Variants in PEX14 observed in about 807,000 individuals in gnomAD.
PEX14 encodes the protein peroxisomal membrane protein PEX14.
Under a neutral mutation model 49.5 loss-of-function variants are expected in PEX14, and 15 were observed. The observed-to-expected ratio is 0.30, with a 90% CI of 0.20 to 0.47. The LOEUF is 0.47. Ranked by LOEUF, PEX14 falls within the 20% of genes least tolerant of loss-of-function variation. The probability of loss-of-function intolerance (pLI) is 1.00; values close to 1 mark genes in which losing one functional copy is unlikely to be tolerated. For missense variants in PEX14, 398 were observed against 494.8 expected (o/e 0.80, Z 1.86); for synonymous variants, 210 against 212.7 (o/e 0.99, Z 0.11).
At chr1:10,497,463 G>A (rs148242399) in intron 2 of PEX14, among the ~76,000 whole-genome samples, 70 of 152,344 alleles carry the variant, frequency 4.6e-4, no homozygotes, top group African/African-American at 1.6e-3. Context: ...TCAGGCCTGA[G>A]GATGGGGAAC....
At chr1:10,571,852 T>G (rs1639987313) in intron 3 of PEX14, among the ~76,000 whole-genome samples, 1 of 152,100 alleles carries the variant, frequency 6.6e-6, no homozygotes, top group South Asian at 2.1e-4. Context: ...GATGGGACAT[T>G]TTATGTGATG....
intron 3 of PEX14, among the ~76,000 whole-genome samples, chr1:10,544,754 C>CTTTTTT (rs70997247): frequency 1.3e-5 from 2 of 148,298 alleles, no homozygotes; most frequent in African/African-American, 5.0e-5. Context: ...ATAGATTAGC[C>CTTTTTT]TTTTTTTTTT....
At position 10,623,175 on chromosome 1, in the gene PEX14, C is replaced by A; in HGVS notation, c.487+54C>A. The A allele has an allele frequency of 8.9e-7, 1 of 1,117,332 alleles. No individual in the cohort carries two copies. The highest frequency in any genetic ancestry group is 1.3e-5 in the South Asian group (1 of 77,402). The allele number at this position is 1,117,332 out of a possible 1,614,324, so 69.2% of individuals were successfully genotyped here. On this transcript the variant is annotated intron_variant, in intron 6 of 8. Coordinates refer to ENST00000356607, the MANE Select transcript of PEX14 (RefSeq NM_004565.3). The surrounding 1 kb of genome is among the most constrained non-coding windows in gnomAD (Gnocchi z 4.4). ...CCCTCACAGCCTTCTCCAAGCAGCC[C>A]CTTCTCTGCCCCTCCCCTCTCCCTC...
chr1:10,600,783 A>T (rs574958245), intron 4 of PEX14, among the ~76,000 whole-genome samples: 1 of 152,184 alleles, frequency 6.6e-6, no homozygotes, highest in Non-Finnish European at 1.5e-5. Context: ...TGCCTTTTCT[A>T]TAATTGTTAT....
chr1:10,550,913 G>T (rs1639316596), intron 3 of PEX14, among the ~76,000 whole-genome samples: 1 of 152,198 alleles, frequency 6.6e-6, no homozygotes, highest in African/African-American at 2.4e-5. Flanking sequence ...CATAGGAAGT[G>T]AATTTAATTT....
At chr1:10,480,387 C>CTTTT (rs34544712) in intron 1 of PEX14, among the ~76,000 whole-genome samples, 28 of 87,306 alleles carry the variant, frequency 3.2e-4, no homozygotes, top group Non-Finnish European at 4.3e-4. Flanking sequence ...GCCTGGCTAA[C>CTTTT]TTTTTTTTTT....
intron 3 of PEX14, among the ~76,000 whole-genome samples, chr1:10,541,057 C>T (rs1294684047): frequency 1.3e-5 from 2 of 152,096 alleles, no homozygotes; most frequent in Admixed American, 1.3e-4. Flanking sequence ...TATAGACGAC[C>T]AGAGGAAACA....
chr1:10,587,920 T>TTTTTTA (rs1453146872), intron 3 of PEX14, among the ~76,000 whole-genome samples: 9 of 64,074 alleles, frequency 1.4e-4, no homozygotes, highest in African/African-American at 6.0e-4. Context: ...TTTTTTTTTT[T>TTTTTTA]AAAAAAAAAA....
intron 2 of PEX14, among the ~76,000 whole-genome samples, chr1:10,533,462 C>T (rs768480497): frequency 6.6e-6 from 1 of 152,184 alleles, no homozygotes; most frequent in Non-Finnish European, 1.5e-5. Flanking sequence ...ACGTCAATTT[C>T]ATCTCCCTTC....
chr1:10,519,770 T>C (rs1642033901), intron 2 of PEX14, among the ~76,000 whole-genome samples: 1 of 152,248 alleles, frequency 6.6e-6, no homozygotes, highest in African/African-American at 2.4e-5. Flanking sequence ...CTAGTGACTT[T>C]TAAAAACTAC....
intron 7 of PEX14, among the ~76,000 whole-genome samples, chr1:10,626,367 CTG>C (rs989669972): frequency 9.9e-5 from 15 of 152,228 alleles, no homozygotes; most frequent in Non-Finnish European, 1.6e-4. Flanking sequence ...CCCTGAGGGG[CTG>C]TGTCTGGGGG....
In PEX14 at chr1:10,495,797, T is replaced by C. The variant is rs1055813912; in HGVS notation, c.84+476T>C. ...TTCCCAACGCTGTCTTCTTAGACTATGGATAGGGAAGAGGCCTATTAAGCA... is the reference window on the plus strand; with the variant it reads ...TTCCCAACGCTGTCTTCTTAGACTACGGATAGGGAAGAGGCCTATTAAGCA... On this transcript the variant is annotated intron_variant, in intron 2 of 8. Coordinates refer to ENST00000356607, the MANE Select transcript of PEX14 (RefSeq NM_004565.3). This position sits in a 1 kb window ranked among gnomAD's most constrained non-coding sequence, Gnocchi z 4.2. Among the ~76,000 whole-genome samples, 1 of 152,230 alleles carries C rather than the reference T, an allele frequency of 6.6e-6. No homozygotes were observed. Among genetic ancestry groups the C allele is most frequent in the Non-Finnish European group, 1.5e-5 (1 of 68,040 alleles).
intron 1 of PEX14, among the ~76,000 whole-genome samples, chr1:10,490,439 G>T (rs772746201): frequency 1.5e-4 from 23 of 152,218 alleles, no homozygotes; most frequent in Admixed American, 3.3e-4. Flanking sequence ...CAGCAGGTCA[G>T]GATCTGGGAA....
At chr1:10,619,696 T>C (rs1169229081) in intron 5 of PEX14, among the ~76,000 whole-genome samples, 1 of 152,222 alleles carries the variant, frequency 6.6e-6, no homozygotes, top group African/African-American at 2.4e-5. Flanking sequence ...TGGTCAGCCA[T>C]GGTATTCCAG....
At position 10,511,418 on chromosome 1, in the gene PEX14, C is replaced by T. The variant is rs946087964; in HGVS notation, c.84+16097C>T. ...AGTGGTTTTTGCTAACATCATGGTG[C>T]GTTCTTTCCAGCTTTAATGCTATCT... On this transcript the variant is annotated intron_variant, in intron 2 of 8. Coordinates refer to ENST00000356607, the MANE Select transcript of PEX14 (RefSeq NM_004565.3). Among the ~76,000 whole-genome samples the T allele has an allele frequency of 1.8e-4, 28 of 152,072 alleles. 1 individual carries two copies. Among genetic ancestry groups the T allele is most frequent in the Non-Finnish European group, 2.9e-5 (2 of 68,026 alleles).
intron 3 of PEX14, among the ~76,000 whole-genome samples, chr1:10,565,201 C>CT (rs1221884803): frequency 1.3e-5 from 2 of 152,114 alleles, no homozygotes; most frequent in African/African-American, 2.4e-5. Context: ...TGCGCCCAGC[C>CT]TTTTTTTGTA....
At chr1:10,594,264 G>T (rs997548385) in intron 3 of PEX14, among the ~76,000 whole-genome samples, 1 of 151,934 alleles carries the variant, frequency 6.6e-6, no homozygotes, top group Admixed American at 6.6e-5. Context: ...AGTATTTTTA[G>T]CCAGCTGTCT....
rs1037554594 is a variant in PEX14, at chr1:10,494,500, G to C, written c.37-774G>C. On this transcript the variant is annotated intron_variant, in intron 1 of 8. Coordinates refer to ENST00000356607, the MANE Select transcript of PEX14 (RefSeq NM_004565.3). The surrounding 1 kb of genome is among the most constrained non-coding windows in gnomAD (Gnocchi z 4.3). ...TTCTTCAGAATCTGTCTCTACCTCT[G>C]CCTCTCCCTTTCTCTAAATTTTGGC... is the stretch of plus-strand genomic sequence containing the variant. Among the ~76,000 whole-genome samples, 1 of 152,160 alleles carries C rather than the reference G, an allele frequency of 6.6e-6. No homozygotes were observed. Among genetic ancestry groups the C allele is most frequent in the Non-Finnish European group, 1.5e-5 (1 of 68,040 alleles).
At chr1:10,557,640 A>G (rs904461702) in intron 3 of PEX14, among the ~76,000 whole-genome samples, 4 of 152,090 alleles carry the variant, frequency 2.6e-5, no homozygotes, top group African/African-American at 4.8e-5. Context: ...AAGAAAATGG[A>G]CTTGTTTTCA....
Sources: gnomAD v4.1 joint callset for allele counts (sites outside exome capture counted in the v4.1 genomes callset) on GRCh38, gnomAD v4.1.1 for gene constraint, Gnocchi (gnomAD v3.1) non-coding constraint, MANE v1.5 for transcripts, NCBI Gene and HGNC (gene_info 2026-07-23, HGNC 2026-07-21) for gene names.